The following CFAP299 variants were observed in gnomAD, a reference collection of about 807,000 sequenced individuals.
The protein encoded by CFAP299 is cilia and flagella associated protein 299, also known as cilia- and flagella-associated protein 299.
A neutral mutation model predicts 27.0 loss-of-function variants in CFAP299; 21 were observed. That is an observed-to-expected ratio of 0.78 (90% CI 0.55 to 1.12). The LOEUF is 1.12. Among genes scored for constraint, CFAP299 ranks in the 50% most tolerant of loss-of-function variants. CFAP299 has a pLI of 0.00. For missense variants in CFAP299, 310 were observed against 276.6 expected (o/e 1.12, Z -0.86); for synonymous variants, 104 against 98.1 (o/e 1.06, Z -0.36).
chr4:80,346,727 T>C (rs1722749508), intron 1 of CFAP299, among the ~76,000 whole-genome samples: 1 of 152,180 alleles, frequency 6.6e-6, no homozygotes, highest in Non-Finnish European at 1.5e-5. Context: ...GCTTTGTTCT[T>C]TTGGCTTAGG....
intron 3 of CFAP299, among the ~76,000 whole-genome samples, chr4:80,782,296 GC>G (rs753950789): frequency 3.3e-5 from 5 of 151,780 alleles, no homozygotes; most frequent in Non-Finnish European, 7.4e-5. Flanking sequence ...GGAGAGCAAA[GC>G]CCATGGATGG....
chr4:80,454,741 TGAAA>T (rs1318694385), intron 2 of CFAP299, among the ~76,000 whole-genome samples: 2 of 152,076 alleles, frequency 1.3e-5, no homozygotes, highest in African/African-American at 2.4e-5. Flanking sequence ...AGAGGGGAAT[TGAAA>T]GAGAGAAAGA....
At chr4:80,781,852 TAGAA>T (rs950401013) in intron 3 of CFAP299, among the ~76,000 whole-genome samples, 4 of 151,844 alleles carry the variant, frequency 2.6e-5, no homozygotes, top group Admixed American at 2.0e-4. Context: ...AAAGGTCCCT[TAGAA>T]AGGAAATATA....
At chr4:80,689,771 C>T (rs1269041851) in intron 3 of CFAP299, among the ~76,000 whole-genome samples, 3 of 152,140 alleles carry the variant, frequency 2.0e-5, no homozygotes, top group Non-Finnish European at 2.9e-5. Context: ...AGTCAAGACC[C>T]ATCAGTGTGC....
intron 4 of CFAP299, among the ~76,000 whole-genome samples, chr4:80,881,133 G>T (rs939527146): frequency 6.6e-6 from 1 of 152,194 alleles, no homozygotes; most frequent in Non-Finnish European, 1.5e-5. Context: ...GAATTCTATT[G>T]CAGGCATTTC....
intron 2 of CFAP299, among the ~76,000 whole-genome samples, chr4:80,542,434 A>G (rs1020851645): frequency 1.3e-5 from 2 of 152,134 alleles, no homozygotes; most frequent in African/African-American, 4.8e-5. Context: ...ACCCACTGAG[A>G]GAGGTTAGAT....
At chr4:80,650,438 A>T (rs1335494790) in intron 3 of CFAP299, among the ~76,000 whole-genome samples, 3 of 152,068 alleles carry the variant, frequency 2.0e-5, no homozygotes, top group African/African-American at 7.2e-5. Context: ...ATCTTTTAAT[A>T]TTCAAAATTA....
At position 80,952,157 on chromosome 4, in the gene CFAP299, C is replaced by T. The variant is rs17005012; in HGVS notation, c.606+7218C>T. Among the ~76,000 whole-genome samples the T allele has an allele frequency of 1.0e-2, 1,519 of 152,286 alleles. 31 individuals carry two copies. The highest frequency in any genetic ancestry group is 0.056 in the Admixed American group (850 of 15,286). On this transcript the variant is annotated intron_variant, in intron 5 of 5. Coordinates refer to ENST00000358105, the MANE Select transcript of CFAP299 (RefSeq NM_152770.3). ...GTTAAATGTAGGGCAGGAACCCTTT[C>T]TGGACATTTTGCCGTTGTATTACCA...
Position 80,644,971 on chromosome 4 carries a change from T to G in CFAP299, c.333+61788T>G, listed in dbSNP as rs74581784. On this transcript the variant is annotated intron_variant, in intron 3 of 5. Transcript: ENST00000358105. ...ATCATACCCGCCTTCTTGTAAGATT[T>G]TATTAACCTAGCTTCTATGATGCAC... Among the ~76,000 whole-genome samples the G allele has an allele frequency of 8.4e-4, 128 of 152,228 alleles. 3 individuals carry two copies. The East Asian group carries it at 0.023, about 27-fold the overall frequency.
At position 80,362,085 on chromosome 4, in the gene CFAP299, T is replaced by C. The variant is rs145201322; in HGVS notation, c.112-669T>C. ...AAGATGTATGCGATAATTCTTAAAGTAAGAAAAGTGTAAGGCCTAAAATAC... is the reference window on the plus strand; with the variant it reads ...AAGATGTATGCGATAATTCTTAAAGCAAGAAAAGTGTAAGGCCTAAAATAC... On this transcript the variant is annotated intron_variant, in intron 1 of 5. Coordinates refer to ENST00000358105, the MANE Select transcript of CFAP299 (RefSeq NM_152770.3). 2.7e-3 allele frequency among the ~76,000 whole-genome samples: 408 copies of C among 150,720 alleles called. 3 individuals carry two copies. Among genetic ancestry groups the C allele is most frequent in the African/African-American group, 9.6e-3 (394 of 41,056 alleles).
At chr4:80,581,451 G>GATATAT (rs1736159127) in intron 2 of CFAP299, among the ~76,000 whole-genome samples, 7 of 15,474 alleles carry the variant, frequency 4.5e-4, no homozygotes, top group African/African-American at 1.6e-3. Flanking sequence ...GATATTAAGT[G>GATATAT]AGATATATAT....
intron 3 of CFAP299, among the ~76,000 whole-genome samples, chr4:80,697,170 A>G (rs952167136): frequency 4.6e-5 from 7 of 152,066 alleles, no homozygotes; most frequent in African/African-American, 9.7e-5. Context: ...ATAGTGAGAC[A>G]CTGTGTCTAC....
chr4:80,875,330 A>C (rs1733314197), intron 4 of CFAP299, among the ~76,000 whole-genome samples: 2 of 152,186 alleles, frequency 1.3e-5, no homozygotes, highest in African/African-American at 4.8e-5. Flanking sequence ...AATTTCCCAC[A>C]AAATATCTTG....
intron 4 of CFAP299, among the ~76,000 whole-genome samples, chr4:80,929,959 A>C (rs1736527570): frequency 6.6e-6 from 1 of 152,086 alleles, no homozygotes; most frequent in African/African-American, 2.4e-5. Flanking sequence ...ACTCTTCTTC[A>C]AAGTGATGTC....
rs80311623 is a variant in CFAP299 at position 80,751,945 on chromosome 4, G to A, written c.334-118048G>A. Among the ~76,000 whole-genome samples the A allele has an allele frequency of 3.2e-4, 48 of 152,240 alleles. No homozygotes were observed. In the East Asian group the frequency reaches 8.3e-3, roughly 26 times the overall value. ...TTCCTGCCTTGCCAGGGATCCTGGG[G>A]CCAGAGTATGTAAAACTTCTCAGTT... On this transcript the variant is annotated intron_variant, in intron 3 of 5. Transcript: ENST00000358105.
At chr4:80,331,199 C>T (rs1721927898), upstream of CFAP299, among the ~76,000 whole-genome samples, 1 of 152,116 alleles carries the variant, frequency 6.6e-6, no homozygotes, top group African/African-American at 2.4e-5. Context: ...AGTGGAGGCT[C>T]CTTTCAAAAC....
intron 2 of CFAP299, among the ~76,000 whole-genome samples, chr4:80,536,424 G>C (rs1267042610): frequency 1.3e-5 from 2 of 152,038 alleles, no homozygotes; most frequent in Non-Finnish European, 2.9e-5. Context: ...TTGAGCAAAA[G>C]GAACAAAGCT....
intron 2 of CFAP299, among the ~76,000 whole-genome samples, chr4:80,554,114 T>C (rs1734672398): frequency 6.6e-6 from 1 of 152,168 alleles, no homozygotes; most frequent in Non-Finnish European, 1.5e-5. Context: ...CCAGTGTTTT[T>C]ATAATTTTGA....
At chr4:80,693,848 A>G (rs982265251) in intron 3 of CFAP299, among the ~76,000 whole-genome samples, 4 of 152,120 alleles carry the variant, frequency 2.6e-5, no homozygotes, top group African/African-American at 4.8e-5. Flanking sequence ...TTAATAAAAA[A>G]AAAAACACAG....
Sources: gnomAD v4.1 joint callset for allele counts (sites outside exome capture counted in the v4.1 genomes callset) on GRCh38, gnomAD v4.1.1 for gene constraint, MANE v1.5 for transcripts, NCBI Gene and HGNC (gene_info 2026-07-23, HGNC 2026-07-21) for gene names.